IL1RAPL2: variants seen among roughly 807,000 people sequenced by gnomAD.
IL1RAPL2 encodes X-linked interleukin-1 receptor accessory protein-like 2.
IL1RAPL2 carries 3 observed loss-of-function variants against 44.1 expected under a neutral mutation model. The ratio of observed to expected loss-of-function variants is 0.07; its 90% CI spans 0.03 to 0.18. The LOEUF is 0.18. Ranked by LOEUF, IL1RAPL2 falls within the 10% of genes least tolerant of loss-of-function variation. The pLI, the probability that IL1RAPL2 is intolerant of heterozygous loss-of-function variation, is 1.00. For missense variants in IL1RAPL2, 391 were observed against 496.4 expected, an observed-to-expected ratio of 0.79 and a Z score of 2.02; for synonymous variants, 181 against 178.8, an observed-to-expected ratio of 1.01 and a Z score of -0.10.
chrX:105,431,559 T>C (rs1569440043), intron 5 of IL1RAPL2, among the ~76,000 whole-genome samples: 1 of 111,560 alleles, frequency 9.0e-6, no homozygotes, highest in Non-Finnish European at 1.9e-5. Context: ...TGAGTTTGTT[T>C]ATTTTTAACC....
intron 2 of IL1RAPL2, among the ~76,000 whole-genome samples, chrX:104,947,600 G>A (rs1925420021): frequency 9.6e-6 from 1 of 104,630 alleles, no homozygotes; most frequent in Non-Finnish European, 2.0e-5. Flanking sequence ...TGTATAAGGT[G>A]TAAGGAAGGG....
At chrX:104,939,109 C>T (rs1432828123) in intron 2 of IL1RAPL2, among the ~76,000 whole-genome samples, 3 of 99,263 alleles carry the variant, frequency 3.0e-5, no homozygotes, top group African/African-American at 4.0e-5. Flanking sequence ...CAGGCTGGAG[C>T]GCAGTGGTGC....
chrX:105,199,890 G>A (rs1343123394), intron 3 of IL1RAPL2, among the ~76,000 whole-genome samples: 1 of 111,636 alleles, frequency 9.0e-6, no homozygotes, highest in Non-Finnish European at 1.9e-5. Context: ...AATCAACCAG[G>A]CTTTTATCAA....
At chrX:105,655,453 T>A (rs998378379) in intron 6 of IL1RAPL2, among the ~76,000 whole-genome samples, 6 of 113,003 alleles carry the variant, frequency 5.3e-5, no homozygotes, top group Admixed American at 1.9e-4. Flanking sequence ...TTTGGCTTAT[T>A]AAGCTCTGTA....
chrX:105,452,829 T>A (rs1193652442), intron 5 of IL1RAPL2, among the ~76,000 whole-genome samples: 1 of 112,293 alleles, frequency 8.9e-6, no homozygotes, highest in African/African-American at 3.2e-5. Flanking sequence ...CACAAAAGAA[T>A]GAAAAATGAG....
chrX:105,124,212 A>G, intron 2 of IL1RAPL2, among the ~76,000 whole-genome samples: 1 of 111,092 alleles, frequency 9.0e-6, no homozygotes, highest in East Asian at 2.8e-4. Context: ...ATGTCCCATC[A>G]TATTACCTTT....
chrX:105,212,980 C>T (rs982919577), intron 3 of IL1RAPL2, among the ~76,000 whole-genome samples: 2 of 111,941 alleles, frequency 1.8e-5, no homozygotes, highest in South Asian at 7.5e-4. Flanking sequence ...CAAAAGTTAT[C>T]AACCTCAAAG....
At chrX:104,609,001 T>C in intron 1 of IL1RAPL2, among the ~76,000 whole-genome samples, 1 of 111,902 alleles carries the variant, frequency 8.9e-6, no homozygotes. Flanking sequence ...GGTTGTTCCT[T>C]TCCATGTTTA....
chrX:105,200,703 G>A (rs2033709026), intron 3 of IL1RAPL2, among the ~76,000 whole-genome samples: 1 of 111,827 alleles, frequency 8.9e-6, no homozygotes, highest in Admixed American at 9.5e-5. Context: ...CATGAGGCCA[G>A]GAGTTCAAGC....
At chrX:104,811,194 A>T (rs763188475) in intron 2 of IL1RAPL2, among the ~76,000 whole-genome samples, 21 of 111,628 alleles carry the variant, frequency 1.9e-4, no homozygotes, top group African/African-American at 6.5e-4. Flanking sequence ...CAGAAAAAAA[A>T]CCCTGAATTG....
At chrX:105,564,971 T>C (rs1483967413) in intron 6 of IL1RAPL2, among the ~76,000 whole-genome samples, 1 of 112,519 alleles carries the variant, frequency 8.9e-6, no homozygotes, top group Non-Finnish European at 1.9e-5. Context: ...GTTTGGTGGC[T>C]CCCTGCAAAG....
chrX:104,913,318 C>T (rs769584066), intron 2 of IL1RAPL2, among the ~76,000 whole-genome samples: 1 of 111,530 alleles, frequency 9.0e-6, no homozygotes, highest in South Asian at 3.8e-4. Context: ...TGTTCAAGTA[C>T]CCTTTGTCTA....
At position 105,688,665 on chromosome X, in the gene IL1RAPL2, T is replaced by A. The variant is rs180691539; in HGVS notation, c.773-28702T>A. Among the ~76,000 whole-genome samples, 117 of 111,832 alleles carry A rather than the reference T, an allele frequency of 1.0e-3. 1 individual carries two copies. The highest frequency in any genetic ancestry group is 3.6e-3 in the African/African-American group (110 of 30,784). On this transcript the variant is annotated intron_variant, in intron 6 of 10. Transcript: ENST00000372582. ...ATGCTGCCCAAAGTAATTTATAGAT[T>A]CAATGCCAACCCCATCAAGCTACCA...
intron 2 of IL1RAPL2, among the ~76,000 whole-genome samples, chrX:105,188,250 G>C: frequency 9.0e-6 from 1 of 111,069 alleles, no homozygotes; most frequent in South Asian, 3.9e-4. Flanking sequence ...GGCAGATTTG[G>C]TAGGGGAGAG....
intron 3 of IL1RAPL2, chrX:105,219,684 T>G (rs782600170): frequency 8.3e-7 from 1 of 1,210,280 alleles, no homozygotes; most frequent in South Asian, 1.8e-5. Flanking sequence ...CTGCTCCTTC[T>G]GTGCAAACCC....
At chrX:105,065,682 AT>A (rs1425025902) in intron 2 of IL1RAPL2, among the ~76,000 whole-genome samples, 1 of 112,145 alleles carries the variant, frequency 8.9e-6, no homozygotes, top group Non-Finnish European at 1.9e-5. Flanking sequence ...TTTATATAAA[AT>A]GCTGGCAGTG....
chrX:105,501,068 A>G (rs2036391114), intron 6 of IL1RAPL2, among the ~76,000 whole-genome samples: 1 of 111,989 alleles, frequency 8.9e-6, no homozygotes, highest in Non-Finnish European at 1.9e-5. Flanking sequence ...TATTTGCTTC[A>G]ATATTTCTTT....
chrX:104,753,158 C>T (rs758520459), intron 2 of IL1RAPL2, among the ~76,000 whole-genome samples: 1 of 107,193 alleles, frequency 9.3e-6, no homozygotes, highest in Admixed American at 1.0e-4. Context: ...TTTGGAGAGC[C>T]CCCATTCTCC....
At chrX:104,650,125 G>C (rs1295055048) in intron 1 of IL1RAPL2, among the ~76,000 whole-genome samples, 2 of 111,111 alleles carry the variant, frequency 1.8e-5, no homozygotes, top group African/African-American at 3.3e-5. Flanking sequence ...CTAACCCTAG[G>C]GAATCAGTAA....
Sources: allele counts gnomAD v4.1 joint callset (sites outside exome capture counted in the v4.1 genomes callset), GRCh38; gene constraint gnomAD v4.1.1; transcripts MANE v1.5; gene names NCBI Gene and HGNC (gene_info 2026-07-23, HGNC 2026-07-21).